The following ETNK1 variants were observed in gnomAD, a reference collection of about 807,000 sequenced individuals.
ETNK1 encodes ethanolamine kinase 1, also known as putative protein product of Nbla10396.
A neutral mutation model predicts 45.1 loss-of-function variants in ETNK1; 8 were observed. That is an observed-to-expected ratio of 0.18 (90% CI 0.10 to 0.32). ETNK1 has a LOEUF of 0.32. Among genes scored for constraint, ETNK1 ranks in the 10% least tolerant of loss-of-function variants. The pLI is 1.00. For missense variants in ETNK1, 302 were observed against 430.6 expected, an observed-to-expected ratio of 0.70 and a Z score of 2.64; for synonymous variants, 152 against 151.9, an observed-to-expected ratio of 1.00 and a Z score of -0.01.
At chr12:22,656,417 C>A (rs551287503) in intron 2 of ETNK1, 11 of 985,282 alleles carry the variant, frequency 1.1e-5, no homozygotes, top group African/African-American at 1.0e-4. Flanking sequence ...AGTAAACTTA[C>A]ACTGATTGTT....
Position 22,661,042 on chromosome 12 carries a change from CTCT to C in ETNK1, c.558-16_558-14del. The C allele has an allele frequency of 6.3e-7, 1 of 1,585,370 alleles. No homozygotes were observed. The highest frequency in any genetic ancestry group is 8.6e-7 in the Non-Finnish European group (1 of 1,168,328). On this transcript the variant is annotated intron_variant, in intron 3 of 7. Transcript: ENST00000266517. ...GAAAAAAATGTCACACAAGATATAA[CTCT>C]TCTTTTAAAACTAAAAGGTTCCTAA... is the stretch of plus-strand genomic sequence containing the variant.
intron 1 of ETNK1, among the ~76,000 whole-genome samples, chr12:22,641,383 A>G (rs967583811): frequency 3.3e-5 from 5 of 152,172 alleles, no homozygotes; most frequent in African/African-American, 9.7e-5. Context: ...AGCCAGGATA[A>G]GGAGGTATTT....
intron 1 of ETNK1, chr12:22,638,563 T>A (rs1029190462): frequency 2.0e-5 from 3 of 152,120 alleles, no homozygotes; most frequent in Non-Finnish European, 2.9e-5. Flanking sequence ...GTCTTTAAGT[T>A]TTATCATTTA....
At chr12:22,676,501 T>C (rs897013823) in intron 6 of ETNK1, among the ~76,000 whole-genome samples, 2 of 152,182 alleles carry the variant, frequency 1.3e-5, no homozygotes, top group African/African-American at 4.8e-5. Flanking sequence ...TAGAATGATT[T>C]ATAATCCTTT....
chr12:22,634,132 TTTG>T (rs965826469), intron 1 of ETNK1, among the ~76,000 whole-genome samples: 17 of 152,238 alleles, frequency 1.1e-4, no homozygotes, highest in African/African-American at 3.8e-4. Context: ...TTATTCTTAG[TTTG>T]TTAAGTATTT....
chr12:22,655,203 G>C (rs941710806), intron 2 of ETNK1, among the ~76,000 whole-genome samples: 1 of 152,128 alleles, frequency 6.6e-6, no homozygotes. Flanking sequence ...CCTTACCTCA[G>C]GTGATTCATC....
At chr12:22,660,978 G>T in intron 3 of ETNK1, 85 bp from the exon 4 acceptor site, 1 of 1,150,340 alleles carries the variant, frequency 8.7e-7, no homozygotes, top group Non-Finnish European at 1.2e-6. Flanking sequence ...TAAATTGAAG[G>T]GATTTATTCA....
chr12:22,637,068 T>G (rs955309034), intron 1 of ETNK1, among the ~76,000 whole-genome samples: 1 of 152,176 alleles, frequency 6.6e-6, no homozygotes, highest in Non-Finnish European at 1.5e-5. Flanking sequence ...GTCTTTCCGC[T>G]TTAATACTCT....
intron 2 of ETNK1, among the ~76,000 whole-genome samples, chr12:22,652,122 G>C (rs1953886096): frequency 6.6e-6 from 1 of 152,038 alleles, no homozygotes; most frequent in Non-Finnish European, 1.5e-5. Flanking sequence ...GTCTTTTTGT[G>C]ACTGGCTTAT....
At chr12:22,632,013 A>G (rs2137516479) in intron 1 of ETNK1, among the ~76,000 whole-genome samples, 1 of 152,182 alleles carries the variant, frequency 6.6e-6, no homozygotes, top group East Asian at 1.9e-4. Flanking sequence ...TCCAGCAACC[A>G]AGTGTCTTCA....
rs117357674 is a variant in ETNK1 at position 22,674,408 on chromosome 12, G to A, written c.945+748G>A. Among the ~76,000 whole-genome samples, 340 of 152,256 alleles carry A rather than the reference G, an allele frequency of 2.2e-3. 11 individuals are homozygous for A. The East Asian group carries it at 0.055, about 25-fold the overall frequency. On this transcript the variant is annotated intron_variant, in intron 6 of 7. Transcript: ENST00000266517. ...CTACAGATAGACCCTAGTGGTATAT[G>A]GGTATGCCATTTTTATAGTCTTAAA...
chr12:22,651,465 G>A (rs1026973849), intron 2 of ETNK1, among the ~76,000 whole-genome samples: 4 of 152,016 alleles, frequency 2.6e-5, no homozygotes, highest in African/African-American at 9.7e-5. Context: ...CTCTTTGTTA[G>A]AAGTGATTTG....
chr12:22,671,362 C>G lies in ETNK1; in HGVS notation c.784+7C>G. On this transcript the variant is annotated splice_region_variant and intron_variant, in intron 5 of 7. Coordinates refer to ENST00000266517, the MANE Select transcript of ETNK1 (RefSeq NM_018638.5). Reference sequence around the variant, plus strand: ...CATTTCAATGAATTTGCAGGTATAACTAATGGAGTAACTTATTTAGCTTTG... The same window carrying G: ...CATTTCAATGAATTTGCAGGTATAAGTAATGGAGTAACTTATTTAGCTTTG... 1 of 1,507,116 alleles carries G rather than the reference C, an allele frequency of 6.6e-7. No homozygotes were observed. Among genetic ancestry groups the G allele is most frequent in the Non-Finnish European group, 9.2e-7 (1 of 1,083,946 alleles). The allele number at this position is 1,507,116 out of a possible 1,614,324, so 93.4% of individuals were successfully genotyped here.
At chr12:22,671,435 C>G (rs943164947) in intron 5 of ETNK1, 80 bp downstream of exon 5, 3 of 918,786 alleles carry the variant, frequency 3.3e-6, no homozygotes, top group African/African-American at 1.7e-5. Flanking sequence ...GTAGATAAAC[C>G]GTGAGCAGGG....
In ETNK1 at chr12:22,686,537, A is replaced by C. The variant is rs200138533; in HGVS notation, c.*1583A>C. Reference sequence around the variant, plus strand: ...CAAGATTTTTGAAGCTAATAAAGTAAATAGAAACACAGGCCATTTTAAATG... The same window carrying C: ...CAAGATTTTTGAAGCTAATAAAGTACATAGAAACACAGGCCATTTTAAATG... On this transcript the variant is annotated 3_prime_UTR_variant, in exon 8 of 8. Coordinates refer to ENST00000266517, the MANE Select transcript of ETNK1 (RefSeq NM_018638.5). 1 of 152,392 alleles carries C rather than the reference A, an allele frequency of 6.6e-6. No homozygotes were observed. Among genetic ancestry groups the C allele is most frequent in the East Asian group, 1.9e-4 (1 of 5,196 alleles). 9.4% of individuals were successfully genotyped at this position (152,392 alleles called of 1,614,324 possible).
chr12:22,670,134 T>TATCA (rs1372359592), intron 4 of ETNK1, among the ~76,000 whole-genome samples: 3 of 152,298 alleles, frequency 2.0e-5, no homozygotes, highest in Admixed American at 1.3e-4. Context: ...TACAAATGTA[T>TATCA]ATCAACATAT....
intron 1 of ETNK1, among the ~76,000 whole-genome samples, chr12:22,641,170 A>G (rs1953731104): frequency 6.6e-6 from 1 of 152,158 alleles, no homozygotes; most frequent in South Asian, 2.1e-4. Context: ...CACTGCAGTA[A>G]GGGAGAACTA....
At chr12:22,683,602 T>TA (rs1481718338) in intron 6 of ETNK1, among the ~76,000 whole-genome samples, 1 of 152,158 alleles carries the variant, frequency 6.6e-6, no homozygotes, top group Non-Finnish European at 1.5e-5. Context: ...TACTCAGAGA[T>TA]AGAGCCTGGA....
At chr12:22,667,551 G>A (rs988168611) in intron 4 of ETNK1, among the ~76,000 whole-genome samples, 4 of 152,142 alleles carry the variant, frequency 2.6e-5, no homozygotes, top group Non-Finnish European at 5.9e-5. Flanking sequence ...CCAGCGTGAA[G>A]ATTAAAGGGA....
Sources: gnomAD v4.1 joint callset for allele counts (sites outside exome capture counted in the v4.1 genomes callset) on GRCh38, gnomAD v4.1.1 for gene constraint, MANE v1.5 for transcripts, NCBI Gene and HGNC (gene_info 2026-07-23, HGNC 2026-07-21) for gene names.